SLIT3: variants seen among roughly 807,000 people sequenced by gnomAD.
SLIT3 encodes the protein slit homolog 3 protein.
Under a neutral mutation model 184.0 loss-of-function variants are expected in SLIT3, and 68 were observed. The ratio of observed to expected loss-of-function variants is 0.37; its 90% CI spans 0.30 to 0.45. The LOEUF is 0.45. SLIT3 is among the 20% of genes least tolerant of loss of function. The pLI, the probability that SLIT3 is intolerant of heterozygous loss-of-function variation, is 1.00. For missense variants in SLIT3, 1,707 were observed against 2,026.0 expected, an observed-to-expected ratio of 0.84 and a Z score of 3.02; for synonymous variants, 831 against 828.6, an observed-to-expected ratio of 1.00 and a Z score of -0.05.
At chr5:168,713,733 GA>G (rs1158195955) in intron 23 of SLIT3, among the ~76,000 whole-genome samples, 1 of 152,232 alleles carries the variant, frequency 6.6e-6, no homozygotes, top group South Asian at 2.1e-4. Context: ...AATTACTCTT[GA>G]TAGAGAACAG....
At chr5:169,131,704 C>T (rs999865065) in intron 4 of SLIT3, among the ~76,000 whole-genome samples, 1 of 152,200 alleles carries the variant, frequency 6.6e-6, no homozygotes, top group Non-Finnish European at 1.5e-5. Context: ...TTACTATCCT[C>T]CTCCTTGGCT....
intron 4 of SLIT3, among the ~76,000 whole-genome samples, chr5:169,118,774 G>C (rs956989899): frequency 2.6e-5 from 4 of 152,210 alleles, no homozygotes; most frequent in African/African-American, 9.7e-5. Flanking sequence ...TGCTTTAAGA[G>C]TAGGGAACAC....
At chr5:169,186,876 GATAA>G (rs1763361362) in intron 4 of SLIT3, among the ~76,000 whole-genome samples, 1 of 126,916 alleles carries the variant, frequency 7.9e-6, no homozygotes, top group South Asian at 2.5e-4. Flanking sequence ...ATGATACCAT[GATAA>G]CAGCGCCAGT....
intron 4 of SLIT3, among the ~76,000 whole-genome samples, chr5:169,105,521 A>AGTTGTCTTTGGG (rs1760171826): frequency 6.6e-6 from 1 of 152,194 alleles, no homozygotes. Context: ...CCAAGGTTGG[A>AGTTGTCTTTGGG]GTTGTCTTTG....
intron 4 of SLIT3, among the ~76,000 whole-genome samples, chr5:168,944,606 A>C (rs1405567423): frequency 6.6e-6 from 1 of 152,102 alleles, no homozygotes; most frequent in African/African-American, 2.4e-5. Flanking sequence ...CTTTTGGGGT[A>C]GTAGGCCCAA....
intron 8 of SLIT3, among the ~76,000 whole-genome samples, chr5:168,814,401 A>G (rs777249160): frequency 1.3e-4 from 4 of 30,992 alleles, no homozygotes; most frequent in Admixed American, 2.6e-4. Context: ...TCTCAAGCAA[A>G]CAAACAAACA....
intron 20 of SLIT3, among the ~76,000 whole-genome samples, chr5:168,731,879 A>T (rs559352241): frequency 6.6e-6 from 1 of 152,134 alleles, no homozygotes; most frequent in Non-Finnish European, 1.5e-5. Context: ...ATTCCCTCTA[A>T]GAATTGGAAC....
chr5:168,877,943 T>C (rs1759797096), intron 5 of SLIT3, among the ~76,000 whole-genome samples: 1 of 152,226 alleles, frequency 6.6e-6, no homozygotes, highest in Non-Finnish European at 1.5e-5. Flanking sequence ...TCTCTTGTTT[T>C]CCCAATTCAT....
intron 3 of SLIT3, among the ~76,000 whole-genome samples, chr5:169,229,817 G>A (rs959253348): frequency 3.3e-5 from 5 of 152,114 alleles, no homozygotes; most frequent in Admixed American, 2.6e-4. Flanking sequence ...TGGAGGCATG[G>A]CGTACATGCA....
chr5:169,118,407 G>A lies in SLIT3; in HGVS notation c.413+75072C>T, dbSNP rs554768847. On this transcript the variant is annotated intron_variant, in intron 4 of 35. Transcript: ENST00000519560. ...GTCTCCCTAGTGACACTGGCTGAAG[G>A]TGCCTCTGGCCCAAATGCTCCTTTT... is the stretch of plus-strand genomic sequence containing the variant. Among the ~76,000 whole-genome samples, 3 of 152,268 alleles carry A rather than the reference G, an allele frequency of 2.0e-5. No homozygotes were observed. The South Asian group carries it at 6.2e-4, about 32-fold the overall frequency.
intron 4 of SLIT3, among the ~76,000 whole-genome samples, chr5:169,106,058 A>C (rs1760196232): frequency 6.8e-6 from 1 of 146,354 alleles, no homozygotes. Context: ...TTGGGGGGGC[A>C]GGGGGAATGA....
intron 1 of SLIT3, among the ~76,000 whole-genome samples, chr5:169,260,531 G>C (rs1162923372): frequency 6.6e-6 from 1 of 152,138 alleles, no homozygotes; most frequent in East Asian, 1.9e-4. Flanking sequence ...TCCATTTCTT[G>C]GTTCCAGGAC....
chr5:168,813,093 C>T (rs115809680), intron 8 of SLIT3, among the ~76,000 whole-genome samples: 4,022 of 152,214 alleles, frequency 0.026, 205 homozygotes, highest in African/African-American at 0.092. Context: ...GGATATCTCA[C>T]ATTTAAGGCC....
chr5:168,687,101 AG>A lies in SLIT3; in HGVS notation c.3191del (p.Pro1064LeufsTer157). On this transcript the variant is annotated frameshift_variant, in exon 30 of 36. Transcript: ENST00000519560. LOFTEE classifies it high-confidence loss of function. ...TCTCACAGAGCTTCCCGCTGTAGCC[AG>A]GGACACACTCGCAGCTGGAACATAG... ...LDKGFSCECV[P>X]GYSGKLCETD... 1 of 1,614,048 alleles carries A rather than the reference AG, an allele frequency of 6.2e-7. No homozygotes were observed. Among genetic ancestry groups the A allele is most frequent in the Non-Finnish European group, 8.5e-7 (1 of 1,179,852 alleles).
chr5:168,884,022 G>A (rs1187120670), intron 4 of SLIT3, among the ~76,000 whole-genome samples: 3 of 151,944 alleles, frequency 2.0e-5, no homozygotes, highest in Admixed American at 1.3e-4. Context: ...ATAGTGTCAG[G>A]TTCTACAGCT....
At chr5:168,782,775 C>G (rs575049581) in intron 12 of SLIT3, among the ~76,000 whole-genome samples, 4 of 152,108 alleles carry the variant, frequency 2.6e-5, no homozygotes, top group Non-Finnish European at 4.4e-5. Flanking sequence ...TTCCTAGCAG[C>G]CAGTTTTAAG....
chr5:169,211,556 C>T (rs1316213939), intron 3 of SLIT3, among the ~76,000 whole-genome samples: 1 of 152,176 alleles, frequency 6.6e-6, no homozygotes, highest in Non-Finnish European at 1.5e-5. Context: ...TGTGGCTTTA[C>T]CTGCTACTCC....
intron 4 of SLIT3, among the ~76,000 whole-genome samples, chr5:169,109,744 C>A (rs967496802): frequency 3.9e-5 from 6 of 152,114 alleles, no homozygotes; most frequent in African/African-American, 1.4e-4. Context: ...TGCAAAGCTC[C>A]CTATGTTTTC....
At chr5:168,918,903 G>C (rs1396970664) in intron 4 of SLIT3, among the ~76,000 whole-genome samples, 1 of 152,070 alleles carries the variant, frequency 6.6e-6, no homozygotes, top group African/African-American at 2.4e-5. Context: ...TAACCACTTA[G>C]CAATACCTAT....
Sources: gnomAD v4.1 joint callset for allele counts (sites outside exome capture counted in the v4.1 genomes callset) on GRCh38, gnomAD v4.1.1 for gene constraint, MANE v1.5 for transcripts, NCBI Gene and HGNC (gene_info 2026-07-23, HGNC 2026-07-21) for gene names.